Variants in GRM8 observed in about 807,000 individuals in gnomAD.
GRM8 encodes the protein metabotropic glutamate receptor 8.
GRM8 carries 47 observed loss-of-function variants against 87.2 expected under a neutral mutation model. The ratio of observed to expected loss-of-function variants is 0.54; its 90% CI spans 0.43 to 0.69. The LOEUF (loss-of-function observed/expected upper bound fraction) is 0.69, where lower values mean the gene tolerates loss of function less well. Among genes scored for constraint, GRM8 ranks in the 30% least tolerant of loss-of-function variants. GRM8 has a pLI of 0.00. For missense variants in GRM8, 1,019 were observed against 1,139.2 expected (o/e 0.89, Z 1.52); for synonymous variants, 396 against 404.5 (o/e 0.98, Z 0.25).
chr7:127,230,907 A>T (rs1797650081), intron 2 of GRM8, among the ~76,000 whole-genome samples: 1 of 152,208 alleles, frequency 6.6e-6, no homozygotes, highest in Non-Finnish European at 1.5e-5. Flanking sequence ...ACCTTGGCTG[A>T]TAACTGCAGC....
chr7:126,564,812 G>A (rs921785629), intron 8 of GRM8, among the ~76,000 whole-genome samples: 1 of 152,052 alleles, frequency 6.6e-6, no homozygotes, highest in Non-Finnish European at 1.5e-5. Flanking sequence ...GATGAGTATA[G>A]AAGCAAAATT....
In GRM8 at chr7:126,454,069, A is replaced by T. The variant is rs1304188004; in HGVS notation, c.2431-7697T>A. 2.6e-5 allele frequency among the ~76,000 whole-genome samples: 4 copies of T among 151,918 alleles called. No homozygotes were observed. The East Asian group carries it at 5.9e-4, about 22-fold the overall frequency. ...TATTATCATTTGAACGGATATCAAA[A>T]TATAATAATATTTTCAGGTAGAGAA... On this transcript the variant is annotated intron_variant, in intron 9 of 10. Transcript: ENST00000339582.
At chr7:127,076,792 C>T (rs768254306) in intron 3 of GRM8, among the ~76,000 whole-genome samples, 4 of 152,186 alleles carry the variant, frequency 2.6e-5, no homozygotes, top group Non-Finnish European at 5.9e-5. Flanking sequence ...TAAACAAATG[C>T]CCTTCTAAGT....
At position 126,533,034 on chromosome 7, in the gene GRM8, A is replaced by T. The variant is rs1409657076; in HGVS notation, c.2348T>A (p.Ile783Asn). The change falls in exon 9 of 11, where the codon ATT becomes AAT. Residue 783 changes from isoleucine (I) to asparagine (N), a missense_variant. Ile to Asn is a moderately radical substitution (Grantham distance 149, BLOSUM62 -3). Transcript: ENST00000339582. ...VPETFNEAKP[I>N]GFTMYTTCII... ...GCAGGTGGTATACATGGTAAATCCA[A>T]TAGGTTTGGCTTCATTGAAAGTCTC... The T allele has an allele frequency of 6.2e-7, 1 of 1,613,576 alleles. No homozygotes were observed. The highest frequency in any genetic ancestry group is 8.5e-7 in the Non-Finnish European group (1 of 1,179,866).
At chr7:126,827,802 G>A (rs947668803) in intron 6 of GRM8, among the ~76,000 whole-genome samples, 6 of 152,142 alleles carry the variant, frequency 3.9e-5, no homozygotes, top group Admixed American at 1.3e-4. Context: ...TTTTCAAAGG[G>A]AATTCTTCCA....
intron 2 of GRM8, among the ~76,000 whole-genome samples, chr7:127,202,530 A>ATTTATTTGTAATATAAATATT (rs1795673102): frequency 6.6e-6 from 1 of 152,200 alleles, no homozygotes; most frequent in Non-Finnish European, 1.5e-5. Context: ...TATTGCTAAT[A>ATTTATTTGTAATATAAATATT]GCTACCATCT....
At chr7:126,861,561 G>C (rs2130815597) in intron 6 of GRM8, among the ~76,000 whole-genome samples, 1 of 151,700 alleles carries the variant, frequency 6.6e-6, no homozygotes, top group East Asian at 1.9e-4. Context: ...ATTTGGTACG[G>C]CCAGATATTT....
At chr7:127,057,291 T>A (rs1203207632) in intron 3 of GRM8, among the ~76,000 whole-genome samples, 3 of 152,192 alleles carry the variant, frequency 2.0e-5, no homozygotes, top group Non-Finnish European at 4.4e-5. Context: ...AAACATCAAA[T>A]CCATCTTGGT....
At chr7:126,789,331 T>C (rs1255333674) in intron 6 of GRM8, among the ~76,000 whole-genome samples, 1 of 152,138 alleles carries the variant, frequency 6.6e-6, no homozygotes, top group Admixed American at 6.5e-5. Context: ...GTAATCAGTT[T>C]ATAATTATGG....
chr7:126,691,024 G>A (rs763703121), intron 7 of GRM8, among the ~76,000 whole-genome samples: 2 of 152,216 alleles, frequency 1.3e-5, no homozygotes, highest in South Asian at 2.1e-4. Flanking sequence ...GCCTGAAGGC[G>A]GGGTTTCACC....
At chr7:126,635,873 T>C (rs1368056886) in intron 7 of GRM8, among the ~76,000 whole-genome samples, 1 of 152,142 alleles carries the variant, frequency 6.6e-6, no homozygotes, top group Non-Finnish European at 1.5e-5. Flanking sequence ...ACCACTTTAT[T>C]CAAACAATAT....
At chr7:126,923,439 C>A (rs976254479) in intron 3 of GRM8, among the ~76,000 whole-genome samples, 13 of 152,148 alleles carry the variant, frequency 8.5e-5, no homozygotes, top group African/African-American at 2.9e-4. Flanking sequence ...ACAAATAAGA[C>A]CTATCATTTA....
chr7:126,788,032 A>C (rs201214426), intron 6 of GRM8, among the ~76,000 whole-genome samples: 1 of 152,188 alleles, frequency 6.6e-6, no homozygotes, highest in East Asian at 1.9e-4. Context: ...ACATTAAAAA[A>C]TGCAACTCCT....
chr7:126,497,451 G>A lies in GRM8; in HGVS notation c.2430+35501C>T, dbSNP rs151290247. Among the ~76,000 whole-genome samples the A allele has an allele frequency of 3.6e-3, 554 of 151,996 alleles. 3 individuals carry two copies. The highest frequency in any genetic ancestry group is 6.2e-3 in the Admixed American group (95 of 15,240). On this transcript the variant is annotated intron_variant, in intron 9 of 10. Coordinates refer to ENST00000339582, the MANE Select transcript of GRM8 (RefSeq NM_000845.3). ...TTGGCATTTTAAGCTGCAACTGCCTGAAGTTACTAATTTCTAAAGAGGGAT... is the reference window on the plus strand; with the variant it reads ...TTGGCATTTTAAGCTGCAACTGCCTAAAGTTACTAATTTCTAAAGAGGGAT...
chr7:126,676,269 A>G (rs993430166), intron 7 of GRM8, among the ~76,000 whole-genome samples: 3 of 152,210 alleles, frequency 2.0e-5, no homozygotes, highest in Non-Finnish European at 2.9e-5. Context: ...TATGAATGAG[A>G]AGAATTAATA....
intron 6 of GRM8, among the ~76,000 whole-genome samples, chr7:126,784,197 T>A (rs911969898): frequency 1.3e-5 from 2 of 152,132 alleles, no homozygotes; most frequent in African/African-American, 4.8e-5. Flanking sequence ...CAAACCCTGG[T>A]TTCACCTTGA....
intron 7 of GRM8, among the ~76,000 whole-genome samples, chr7:126,726,200 G>T (rs892699015): frequency 2.0e-5 from 3 of 150,830 alleles, no homozygotes; most frequent in African/African-American, 7.3e-5. Context: ...CTATATCATG[G>T]TTATCATTCA....
At chr7:127,020,042 G>A (rs1367563687) in intron 3 of GRM8, among the ~76,000 whole-genome samples, 3 of 152,040 alleles carry the variant, frequency 2.0e-5, no homozygotes, top group Non-Finnish European at 2.9e-5. Flanking sequence ...ACCTAATTAA[G>A]TGTAACACAA....
intron 2 of GRM8, among the ~76,000 whole-genome samples, chr7:127,234,431 A>C (rs1320900732): frequency 6.6e-6 from 1 of 152,252 alleles, no homozygotes; most frequent in Admixed American, 6.5e-5. Context: ...ACAATTAAAA[A>C]TAAATCCACA....
Sources: gnomAD v4.1 joint callset for allele counts (sites outside exome capture counted in the v4.1 genomes callset) on GRCh38, gnomAD v4.1.1 for gene constraint, MANE v1.5 for transcripts, NCBI Gene and HGNC (gene_info 2026-07-23, HGNC 2026-07-21) for gene names.